Variants in PIP4K2A observed in about 807,000 individuals in gnomAD.
PIP4K2A encodes the protein phosphatidylinositol-5-phosphate 4-kinase type 2 alpha.
A neutral mutation model predicts 42.9 loss-of-function variants in PIP4K2A; 14 were observed. The ratio of observed to expected loss-of-function variants is 0.33; its 90% CI spans 0.22 to 0.51. The LOEUF is 0.51. Ranked by LOEUF, PIP4K2A falls within the 20% of genes least tolerant of loss-of-function variation. The probability of loss-of-function intolerance (pLI) is 0.97; values close to 1 mark genes in which losing one functional copy is unlikely to be tolerated. For missense variants in PIP4K2A, 434 were observed against 519.8 expected (o/e 0.83, Z 1.61); for synonymous variants, 192 against 192.2 (o/e 1.00, Z 0.01).
intron 1 of PIP4K2A, among the ~76,000 whole-genome samples, chr10:22,683,876 A>ACACACAC (rs1839711533): frequency 7.3e-6 from 1 of 137,704 alleles, no homozygotes; most frequent in African/African-American, 2.9e-5. Flanking sequence ...CACACACACA[A>ACACACAC]TTCAAAGTGT....
At chr10:22,568,790 T>C (rs947672252) in intron 5 of PIP4K2A, among the ~76,000 whole-genome samples, 2 of 152,224 alleles carry the variant, frequency 1.3e-5, no homozygotes, top group African/African-American at 2.4e-5. Context: ...TTCCTAAGTA[T>C]GGATGACAAT....
At chr10:22,703,395 C>T (rs967979949) in intron 1 of PIP4K2A, among the ~76,000 whole-genome samples, 1 of 152,004 alleles carries the variant, frequency 6.6e-6, no homozygotes, top group African/African-American at 2.4e-5. Context: ...GGTAACAGAG[C>T]GAGACCTTGT....
In PIP4K2A at chr10:22,706,071, G is replaced by A. The variant is rs140861569; in HGVS notation, c.144+8112C>T. 6.1e-4 allele frequency among the ~76,000 whole-genome samples: 92 copies of A among 152,020 alleles called. 2 individuals are homozygous for A. The East Asian group carries it at 0.015, about 24-fold the overall frequency. On this transcript the variant is annotated intron_variant, in intron 1 of 9. Coordinates refer to ENST00000376573, the MANE Select transcript of PIP4K2A (RefSeq NM_005028.5). Reference sequence around the variant, plus strand: ...AGGTCTCGTGAGAACTAACTATCACGAGAATACGATGGGGAAAACTGCCCC... The same window carrying A: ...AGGTCTCGTGAGAACTAACTATCACAAGAATACGATGGGGAAAACTGCCCC...
At chr10:22,542,818 G>A (rs1313786552) in intron 7 of PIP4K2A, among the ~76,000 whole-genome samples, 1 of 152,178 alleles carries the variant, frequency 6.6e-6, no homozygotes, top group Non-Finnish European at 1.5e-5. Context: ...CATAAGATGT[G>A]GATGGTTGTG....
At chr10:22,562,694 T>A (rs765486037) in intron 6 of PIP4K2A, among the ~76,000 whole-genome samples, 7 of 152,186 alleles carry the variant, frequency 4.6e-5, no homozygotes, top group Non-Finnish European at 1.0e-4. Context: ...ATGACGACTT[T>A]CCCCTGGGTT....
intron 6 of PIP4K2A, 77 bp from the exon 7 acceptor site, chr10:22,550,849 G>A (rs1836394259): frequency 1.2e-6 from 1 of 868,506 alleles, no homozygotes; most frequent in Middle Eastern, 2.2e-4. Context: ...TCCAACCCTG[G>A]ACACTGAAGT....
chr10:22,542,514 C>A (rs917592477), intron 7 of PIP4K2A, among the ~76,000 whole-genome samples: 1 of 152,176 alleles, frequency 6.6e-6, no homozygotes, highest in African/African-American at 2.4e-5. Flanking sequence ...GCGATTGTTA[C>A]GCTGTTGTAA....
chr10:22,683,992 T>C (rs1310036752), intron 1 of PIP4K2A, among the ~76,000 whole-genome samples: 1 of 152,104 alleles, frequency 6.6e-6, no homozygotes, highest in Non-Finnish European at 1.5e-5. Context: ...CAAATACCCA[T>C]TAGAAACTGA....
At position 22,536,719 on chromosome 10, in the gene PIP4K2A, A is replaced by AAAAAAAAAAAAAAAAAAAAAAC. The variant is rs1835930565; in HGVS notation, c.*481_*482insGTTTTTTTTTTTTTTTTTTTTT. The AAAAAAAAAAAAAAAAAAAAAAC allele has an allele frequency of 8.1e-6, 1 of 123,552 alleles. No individual in the cohort carries two copies. Among genetic ancestry groups the AAAAAAAAAAAAAAAAAAAAAAC allele is most frequent in the African/African-American group, 3.0e-5 (1 of 32,894 alleles). The allele number at this position is 123,552 out of a possible 1,614,324, so 7.7% of individuals were successfully genotyped here. A position where few individuals can be genotyped will look rare whatever the true frequency, so the allele number is the denominator to read the frequency against. Reference sequence around the variant, plus strand: ...TGTCTCACATCTTTCAACTCCAAAAAAAAAAAAAAAAAAAAAAAACTGATC... The same window carrying AAAAAAAAAAAAAAAAAAAAAAC: ...TGTCTCACATCTTTCAACTCCAAAAAAAAAAAAAAAAAAAAAAAAAACAAAAAAAAAAAAAAAAAAACTGATC... On this transcript the variant is annotated 3_prime_UTR_variant, in exon 10 of 10. Transcript: ENST00000376573.
At chr10:22,706,651 T>C (rs115697460) in intron 1 of PIP4K2A, among the ~76,000 whole-genome samples, 134 of 152,334 alleles carry the variant, frequency 8.8e-4, no homozygotes, top group African/African-American at 3.0e-3. Context: ...TCATTTTGCA[T>C]CTGAAGCATC....
intron 1 of PIP4K2A, among the ~76,000 whole-genome samples, chr10:22,682,644 G>A (rs997815496): frequency 2.0e-5 from 3 of 152,134 alleles, no homozygotes; most frequent in Admixed American, 6.5e-5. Flanking sequence ...GCAGGAACCC[G>A]CTGACAAGCA....
At chr10:22,713,775 C>T (rs1833958004) in intron 1 of PIP4K2A, among the ~76,000 whole-genome samples, 1 of 152,062 alleles carries the variant, frequency 6.6e-6, no homozygotes, top group South Asian at 2.1e-4. Context: ...GCCCCCACAC[C>T]GGGTAGCGGT....
chr10:22,571,380 A>G (rs1271550088), intron 5 of PIP4K2A, among the ~76,000 whole-genome samples: 2 of 152,204 alleles, frequency 1.3e-5, no homozygotes, highest in African/African-American at 2.4e-5. Flanking sequence ...TAAAAAACTG[A>G]TTTTTAAAAA....
chr10:22,539,741 C>T lies in PIP4K2A; in HGVS notation c.1140+230G>A, dbSNP rs1202717388. On this transcript the variant is annotated intron_variant, in intron 9 of 9. Transcript: ENST00000376573. The stretch of plus-strand genomic sequence containing the variant: ...GGTAAGAGCAGCAGTGAGCAGTAAG[C>T]GTTTGTGGGTTCTGTATCTTACGCT... 7 of 527,042 alleles carry T rather than the reference C, an allele frequency of 1.3e-5. No individual in the cohort carries two copies. The South Asian group carries it at 1.4e-4, about 11-fold the overall frequency. The allele number at this position is 527,042 out of a possible 1,614,324, so 32.6% of individuals were successfully genotyped here.
chr10:22,626,237 T>C (rs1385296280), intron 1 of PIP4K2A, among the ~76,000 whole-genome samples: 1 of 151,730 alleles, frequency 6.6e-6, no homozygotes, highest in Non-Finnish European at 1.5e-5. Context: ...CCTACCCAAA[T>C]TTCTAAAATA....
chr10:22,679,060 C>A (rs1339103010), intron 1 of PIP4K2A, among the ~76,000 whole-genome samples: 1 of 152,154 alleles, frequency 6.6e-6, no homozygotes, highest in Non-Finnish European at 1.5e-5. Context: ...ACACCAACGG[C>A]AGAAGCAACA....
chr10:22,714,075 G>T, intron 1 of PIP4K2A, 108 bp downstream of exon 1: 1 of 1,189,600 alleles, frequency 8.4e-7, no homozygotes, highest in Non-Finnish European at 1.2e-6. Flanking sequence ...GGAGGTCCAG[G>T]GCTGACTCCG....
At chr10:22,600,373 T>C (rs907502606) in intron 3 of PIP4K2A, among the ~76,000 whole-genome samples, 2 of 152,014 alleles carry the variant, frequency 1.3e-5, no homozygotes, top group African/African-American at 4.8e-5. Flanking sequence ...GTGACAGCCA[T>C]CTCCTCACGG....
At chr10:22,551,935 G>T (rs1456975950) in intron 6 of PIP4K2A, among the ~76,000 whole-genome samples, 2 of 152,080 alleles carry the variant, frequency 1.3e-5, no homozygotes, top group Admixed American at 1.3e-4. Context: ...GTATAGACAT[G>T]CATGTAAACA....
Sources: allele counts gnomAD v4.1 joint callset (sites outside exome capture counted in the v4.1 genomes callset), GRCh38; gene constraint gnomAD v4.1.1; transcripts MANE v1.5; gene names NCBI Gene and HGNC (gene_info 2026-07-23, HGNC 2026-07-21).